The following SDHAF3 variants were observed in gnomAD, a reference collection of about 807,000 sequenced individuals.
SDHAF3 encodes the protein succinate dehydrogenase assembly factor 3, mitochondrial.
A neutral mutation model predicts 11.5 loss-of-function variants in SDHAF3; 18 were observed. That is an observed-to-expected ratio of 1.56 (90% CI 1.08 to 2.32). The LOEUF (loss-of-function observed/expected upper bound fraction) is 2.32. SDHAF3 is among the 30% of genes most tolerant of loss of function. The probability of loss-of-function intolerance (pLI) is 0.00; values close to 1 mark genes in which losing one functional copy is unlikely to be tolerated. For missense variants in SDHAF3, 200 were observed against 154.4 expected, an observed-to-expected ratio of 1.30 and a Z score of -1.57; for synonymous variants, 72 against 59.3, an observed-to-expected ratio of 1.21 and a Z score of -0.99.
intron 1 of SDHAF3, among the ~76,000 whole-genome samples, chr7:97,173,211 T>C (rs1534371): frequency 1 from 151,847 of 152,346 alleles, 75,678 homozygotes; most frequent in Middle Eastern, 1. Flanking sequence ...ATTTCAAACC[T>C]GTAGTTGAAA....
At chr7:97,180,443 A>G (rs988450310) in intron 1 of SDHAF3, among the ~76,000 whole-genome samples, 1 of 152,206 alleles carries the variant, frequency 6.6e-6, no homozygotes, top group African/African-American at 2.4e-5. Context: ...AGCTGACAGC[A>G]TGGACTACTG....
In SDHAF3 at chr7:97,151,224, G is replaced by A. The variant is rs76530950; in HGVS notation, c.175-29788G>A. ...AAGCAGACAGATTAATAGGAGAAAGGCATACGGATTTATTATGTGCATATA... is the reference window on the plus strand; with the variant it reads ...AAGCAGACAGATTAATAGGAGAAAGACATACGGATTTATTATGTGCATATA... On this transcript the variant is annotated intron_variant, in intron 1 of 1. Coordinates refer to ENST00000432641, the MANE Select transcript of SDHAF3 (RefSeq NM_020186.3). Among the ~76,000 whole-genome samples, 913 of 152,250 alleles carry A rather than the reference G, an allele frequency of 6.0e-3. 10 individuals are homozygous for A. The highest frequency in any genetic ancestry group is 0.021 in the African/African-American group (882 of 41,556).
intron 1 of SDHAF3, among the ~76,000 whole-genome samples, chr7:97,168,222 C>G (rs1294299782): frequency 6.6e-6 from 1 of 152,150 alleles, no homozygotes. Flanking sequence ...TTTAGCTGAA[C>G]TAAGCTTAGA....
intron 1 of SDHAF3, among the ~76,000 whole-genome samples, chr7:97,164,150 TG>T (rs1358372334): frequency 6.6e-6 from 1 of 151,596 alleles, no homozygotes; most frequent in Admixed American, 6.6e-5. Flanking sequence ...TTCACCATGT[TG>T]GCCAAGACGG....
chr7:97,141,725 A>G (rs1333350362), intron 1 of SDHAF3, among the ~76,000 whole-genome samples: 1 of 151,938 alleles, frequency 6.6e-6, no homozygotes, highest in Non-Finnish European at 1.5e-5. Context: ...CTATCTCCTG[A>G]CCTCGTGATC....
intron 1 of SDHAF3, among the ~76,000 whole-genome samples, chr7:97,164,595 G>C (rs1187589702): frequency 6.6e-6 from 1 of 151,720 alleles, no homozygotes; most frequent in African/African-American, 2.4e-5. Context: ...GGCTGGTCTT[G>C]AACTCCTGAC....
chr7:97,180,143 T>C (rs1262432598), intron 1 of SDHAF3, among the ~76,000 whole-genome samples: 1 of 152,124 alleles, frequency 6.6e-6, no homozygotes, highest in African/African-American at 2.4e-5. Context: ...CATGAAAAAG[T>C]TTTTCTTGAC....
At chr7:97,135,974 A>G (rs1047664531) in intron 1 of SDHAF3, among the ~76,000 whole-genome samples, 4 of 152,026 alleles carry the variant, frequency 2.6e-5, no homozygotes, top group African/African-American at 9.7e-5. Context: ...GGTGTGAGCC[A>G]CCATGCCCGG....
chr7:97,148,917 A>G (rs1789175516), intron 1 of SDHAF3, among the ~76,000 whole-genome samples: 1 of 151,086 alleles, frequency 6.6e-6, no homozygotes, highest in Non-Finnish European at 1.5e-5. Context: ...ATGCACAATC[A>G]GTAGATTTGT....
At chr7:97,129,698 G>A (rs1366361882) in intron 1 of SDHAF3, among the ~76,000 whole-genome samples, 8 of 152,100 alleles carry the variant, frequency 5.3e-5, no homozygotes, top group Admixed American at 1.3e-4. Flanking sequence ...ATCTCTGGCC[G>A]GCAGCACCCC....
chr7:97,180,310 A>G (rs1337517949), intron 1 of SDHAF3, among the ~76,000 whole-genome samples: 1 of 152,210 alleles, frequency 6.6e-6, no homozygotes, highest in African/African-American at 2.4e-5. Context: ...CATAAATAGG[A>G]TGAAAGCATG....
intron 1 of SDHAF3, among the ~76,000 whole-genome samples, chr7:97,151,921 C>T (rs1789230580): frequency 6.6e-6 from 1 of 152,060 alleles, no homozygotes; most frequent in Non-Finnish European, 1.5e-5. Flanking sequence ...AGTCATGATA[C>T]CAAAGAGCCT....
chr7:97,153,017 C>G (rs767940262), intron 1 of SDHAF3, among the ~76,000 whole-genome samples: 37 of 152,218 alleles, frequency 2.4e-4, no homozygotes, highest in Non-Finnish European at 4.1e-4. Context: ...CAAAGGTGAT[C>G]TAGTCTCCAA....
chr7:97,136,551 G>A (rs1791773423), intron 1 of SDHAF3: 1 of 535,248 alleles, frequency 1.9e-6, no homozygotes, highest in Non-Finnish European at 3.4e-6. Flanking sequence ...CTAAATTAAG[G>A]GGGTGGCAAG....
intron 1 of SDHAF3, among the ~76,000 whole-genome samples, chr7:97,145,249 A>G (rs1171112549): frequency 1.3e-5 from 2 of 152,108 alleles, no homozygotes; most frequent in Non-Finnish European, 2.9e-5. Flanking sequence ...AAATTTCCAC[A>G]TGATGGCAGA....
At position 97,127,894 on chromosome 7, in the gene SDHAF3, CAA is replaced by C. The variant is rs1423283117; in HGVS notation, c.174+9998_174+9999del. ...TGTCACACATATATGTTTTCTACATCAAGTTTTTTTTTTTTTTTTTTTTTTTG... is the reference window on the plus strand; with the variant it reads ...TGTCACACATATATGTTTTCTACATCGTTTTTTTTTTTTTTTTTTTTTTTG... On this transcript the variant is annotated intron_variant, in intron 1 of 1. Coordinates refer to ENST00000432641, the MANE Select transcript of SDHAF3 (RefSeq NM_020186.3). 1.4e-3 allele frequency among the ~76,000 whole-genome samples: 200 copies of C among 140,200 alleles called. 1 individual carries two copies. The highest frequency in any genetic ancestry group is 5.2e-3 in the African/African-American group (195 of 37,540). 92.0% of individuals were successfully genotyped at this position (140,200 alleles called of 152,430 possible).
At chr7:97,133,845 T>C (rs972421995) in intron 1 of SDHAF3, among the ~76,000 whole-genome samples, 12 of 152,350 alleles carry the variant, frequency 7.9e-5, no homozygotes, top group African/African-American at 2.9e-4. Flanking sequence ...AAAATATTTG[T>C]GCTTTATTCG....
intron 1 of SDHAF3, 77 bp from the exon 2 acceptor site, chr7:97,180,935 G>A (rs1252507361): frequency 1.6e-6 from 2 of 1,267,650 alleles, no homozygotes; most frequent in Admixed American, 2.8e-5. Flanking sequence ...AGGTGACTCA[G>A]AATTAGAATT....
chr7:97,145,919 CA>C (rs1156339353), intron 1 of SDHAF3, among the ~76,000 whole-genome samples: 10 of 152,184 alleles, frequency 6.6e-5, no homozygotes, highest in Middle Eastern at 6.8e-3. Context: ...GGCAGATAGC[CA>C]TCAAACACAT....
Sources: gnomAD v4.1 joint callset for allele counts (sites outside exome capture counted in the v4.1 genomes callset) on GRCh38, gnomAD v4.1.1 for gene constraint, MANE v1.5 for transcripts, NCBI Gene and HGNC (gene_info 2026-07-23, HGNC 2026-07-21) for gene names.